The following RNF125 variants were observed in gnomAD, a reference collection of about 807,000 sequenced individuals.
RNF125 encodes E3 ubiquitin-protein ligase RNF125.
Under a neutral mutation model 26.0 loss-of-function variants are expected in RNF125, and 21 were observed. The ratio of observed to expected loss-of-function variants is 0.81; its 90% CI spans 0.57 to 1.16. RNF125 has a LOEUF of 1.16. Ranked by LOEUF, RNF125 falls within the 50% of genes most tolerant of loss-of-function variation. The probability of loss-of-function intolerance (pLI) is 0.00; values close to 1 mark genes in which losing one functional copy is unlikely to be tolerated. For missense variants in RNF125, 270 were observed against 299.4 expected, an observed-to-expected ratio of 0.90 and a Z score of 0.72; for synonymous variants, 95 against 109.2, an observed-to-expected ratio of 0.87 and a Z score of 0.81.
At chr18:32,062,262 G>A (rs970897925) in intron 4 of RNF125, among the ~76,000 whole-genome samples, 2 of 152,176 alleles carry the variant, frequency 1.3e-5, no homozygotes, top group Admixed American at 6.5e-5. Flanking sequence ...ACACGTAGTA[G>A]GGGCATAATA....
intron 4 of RNF125, among the ~76,000 whole-genome samples, chr18:32,049,919 T>A (rs1459204383): frequency 6.6e-6 from 1 of 152,024 alleles, no homozygotes; most frequent in African/African-American, 2.4e-5. Context: ...GGGTCCCTAA[T>A]GGGGACATGT....
In RNF125 at chr18:32,067,733, C is replaced by G. The variant is rs142183663; in HGVS notation, c.613-565C>G. On this transcript the variant is annotated intron_variant, in intron 5 of 5. Transcript: ENST00000217740. Reference sequence around the variant, plus strand: ...TTTTGTTTTTATATTGCAGAATGGACTTTGAATAGAGATTTCACCTTTTGT... The same window carrying G: ...TTTTGTTTTTATATTGCAGAATGGAGTTTGAATAGAGATTTCACCTTTTGT... 5.9e-5 allele frequency among the ~76,000 whole-genome samples: 9 copies of G among 152,106 alleles called. No individual in the cohort carries two copies. The South Asian group carries it at 1.9e-3, about 32-fold the overall frequency.
At chr18:32,073,679 C>G (rs1353114760), downstream of RNF125, among the ~76,000 whole-genome samples, 1 of 152,140 alleles carries the variant, frequency 6.6e-6, no homozygotes, top group Non-Finnish European at 1.5e-5. Context: ...GTCATGCGTA[C>G]CCATATGTCA....
chr18:32,089,850 T>C, the RNF125 span, among the ~76,000 whole-genome samples: 96 of 152,326 alleles, frequency 6.3e-4, no homozygotes, highest in African/African-American at 2.1e-3. Flanking sequence ...ATTAATGTTA[T>C]GGTTAGATAT....
the RNF125 span, among the ~76,000 whole-genome samples, chr18:32,078,934 C>T: frequency 6.6e-6 from 1 of 152,114 alleles, no homozygotes; most frequent in Non-Finnish European, 1.5e-5. Context: ...CTTGACCCAC[C>T]CAAGTAGAGT....
downstream of RNF125, among the ~76,000 whole-genome samples, chr18:32,073,619 T>C (rs2039550764): frequency 6.6e-6 from 1 of 152,256 alleles, no homozygotes; most frequent in Admixed American, 6.5e-5. Flanking sequence ...AAGATGTAGA[T>C]AGATTCTTCC....
chr18:32,043,233 A>G (rs1335642264), intron 3 of RNF125, among the ~76,000 whole-genome samples: 1 of 152,188 alleles, frequency 6.6e-6, no homozygotes, highest in Non-Finnish European at 1.5e-5. Flanking sequence ...AAAGTTTGTA[A>G]TCTGCCCCTA....
chr18:32,084,904 GTAAC>G, the RNF125 span, among the ~76,000 whole-genome samples: 1 of 152,208 alleles, frequency 6.6e-6, no homozygotes, highest in East Asian at 1.9e-4. Flanking sequence ...AAGTTGAAAT[GTAAC>G]TGTCTCAAAC....
chr18:32,085,739 A>G, the RNF125 span, among the ~76,000 whole-genome samples: 1 of 148,774 alleles, frequency 6.7e-6, no homozygotes, highest in Admixed American at 6.8e-5. Flanking sequence ...GAGAGAAGTA[A>G]CTTGGTTTCG....
At chr18:32,082,133 T>C in the RNF125 span, among the ~76,000 whole-genome samples, 1 of 152,166 alleles carries the variant, frequency 6.6e-6, no homozygotes. Context: ...GCTTCCCTCC[T>C]GGCAAATCAA....
intron 1 of RNF125, among the ~76,000 whole-genome samples, chr18:32,023,476 A>G (rs935537302): frequency 1.3e-5 from 2 of 152,176 alleles, no homozygotes; most frequent in Admixed American, 1.3e-4. Flanking sequence ...TTCTTTACAT[A>G]CCGCAAGGTC....
chr18:32,053,858 G>T (rs2039352753), intron 4 of RNF125, among the ~76,000 whole-genome samples: 1 of 151,994 alleles, frequency 6.6e-6, no homozygotes. Context: ...GATAAGGGAG[G>T]GGTGTCTTAT....
intron 5 of RNF125, among the ~76,000 whole-genome samples, chr18:32,066,373 C>T (rs2039485633): frequency 6.6e-6 from 1 of 151,692 alleles, no homozygotes; most frequent in Non-Finnish European, 1.5e-5. Context: ...GCAGGAGAAT[C>T]GCTTGAACCC....
chr18:32,089,168 C>G, the RNF125 span, among the ~76,000 whole-genome samples: 1 of 152,184 alleles, frequency 6.6e-6, no homozygotes, highest in African/African-American at 2.4e-5. Flanking sequence ...AGAGACAGGT[C>G]CGAGCAATCT....
At chr18:32,055,648 G>T (rs2039373419) in intron 4 of RNF125, among the ~76,000 whole-genome samples, 1 of 152,018 alleles carries the variant, frequency 6.6e-6, no homozygotes, top group Admixed American at 6.6e-5. Flanking sequence ...ACCTACACCT[G>T]GTCTCTCCCT....
At chr18:32,088,264 C>T in the RNF125 span, among the ~76,000 whole-genome samples, 2 of 152,140 alleles carry the variant, frequency 1.3e-5, no homozygotes, top group African/African-American at 2.4e-5. Context: ...CACATGGTAG[C>T]AATTTACAAA....
At chr18:32,083,197 T>C in the RNF125 span, among the ~76,000 whole-genome samples, 1 of 152,222 alleles carries the variant, frequency 6.6e-6, no homozygotes, top group Non-Finnish European at 1.5e-5. Flanking sequence ...AGGTGGTTGA[T>C]AGGAATTACA....
rs558852748 is a variant in RNF125 at position 32,018,833 on chromosome 18, C to T, written c.-31C>T. 129 of 1,527,680 alleles carry T rather than the reference C, an allele frequency of 8.4e-5. 1 individual carries two copies. In the South Asian group the frequency reaches 9.9e-4, roughly 12 times the overall value. 94.6% of individuals were successfully genotyped at this position (1,527,680 alleles called of 1,614,324 possible). On this transcript the variant is annotated 5_prime_UTR_variant, in exon 1 of 6. Transcript: ENST00000217740. ...ACAACCCTGCGGCAGGCACTGAGTGCTTCGCAGCTGTCTGGGCGAGAGGCA... is the reference window on the plus strand; with the variant it reads ...ACAACCCTGCGGCAGGCACTGAGTGTTTCGCAGCTGTCTGGGCGAGAGGCA...
At chr18:32,027,598 C>T (rs1216889030) in intron 1 of RNF125, among the ~76,000 whole-genome samples, 4 of 152,032 alleles carry the variant, frequency 2.6e-5, no homozygotes, top group African/African-American at 9.7e-5. Flanking sequence ...GGAGAACTGA[C>T]TTGGTTAAAA....
Sources: gnomAD v4.1 joint callset for allele counts (sites outside exome capture counted in the v4.1 genomes callset) on GRCh38, gnomAD v4.1.1 for gene constraint, MANE v1.5 for transcripts, NCBI Gene and HGNC (gene_info 2026-07-23, HGNC 2026-07-21) for gene names.